The following ARID5B variants were observed in gnomAD, a reference collection of about 807,000 sequenced individuals.
ARID5B encodes AT-rich interaction domain 5B.
Under a neutral mutation model 97.2 loss-of-function variants are expected in ARID5B, and 13 were observed. That is an observed-to-expected ratio of 0.13 (90% CI 0.09 to 0.21). The LOEUF is 0.21. ARID5B is among the 10% of genes least tolerant of loss of function. ARID5B has a pLI of 1.00. For synonymous variants in ARID5B, 556 were observed against 570.3 expected, an observed-to-expected ratio of 0.97 and a Z score of 0.36; for missense variants, 1,210 against 1,465.3, an observed-to-expected ratio of 0.83 and a Z score of 2.84.
intron 3 of ARID5B, among the ~76,000 whole-genome samples, chr10:61,962,627 G>A (rs1838487165): frequency 6.6e-6 from 1 of 152,218 alleles, no homozygotes; most frequent in African/African-American, 2.4e-5. Flanking sequence ...TAATTCAGCT[G>A]AGCATTCTGC....
Position 62,008,854 on chromosome 10 carries a change from G to T in ARID5B, c.733+8533G>T, listed in dbSNP as rs530830465. On this transcript the variant is annotated intron_variant, in intron 4 of 9. Coordinates refer to ENST00000279873, the MANE Select transcript of ARID5B (RefSeq NM_032199.3). The stretch of plus-strand genomic sequence containing the variant: ...AGACATGGGGTTTCCATGCTGACAG[G>T]ACTTTCATTATACACCTCTCCGTGA... Among the ~76,000 whole-genome samples, 12 of 152,254 alleles carry T rather than the reference G, an allele frequency of 7.9e-5. 1 individual carries two copies. In the South Asian group the frequency reaches 2.3e-3, roughly 29 times the overall value.
intron 2 of ARID5B, among the ~76,000 whole-genome samples, chr10:61,930,325 A>T (rs1400250129): frequency 6.6e-6 from 1 of 152,188 alleles, no homozygotes; most frequent in Non-Finnish European, 1.5e-5. Flanking sequence ...TGTGTTCTGG[A>T]CTGTCTTTTC....
At chr10:61,948,089 T>C (rs928270544) in intron 3 of ARID5B, among the ~76,000 whole-genome samples, 1 of 152,162 alleles carries the variant, frequency 6.6e-6, no homozygotes, top group Non-Finnish European at 1.5e-5. Flanking sequence ...AGGGCAGAAG[T>C]AGAAAAAAAG....
In ARID5B at chr10:62,090,652, C is replaced by T. The variant is rs146624729; in HGVS notation, c.1399-210C>T. Among the ~76,000 whole-genome samples, 3 of 152,244 alleles carry T rather than the reference C, an allele frequency of 2.0e-5. No individual in the cohort carries two copies. In the East Asian group the frequency reaches 5.8e-4, roughly 29 times the overall value. ...ATAGGTATCTCATAAGGGACTGAAG[C>T]GAATATGCATATTTCCCCTAATGTT... is the stretch of plus-strand genomic sequence containing the variant. On this transcript the variant is annotated intron_variant, in intron 9 of 9. Coordinates refer to ENST00000279873, the MANE Select transcript of ARID5B (RefSeq NM_032199.3).
chr10:62,013,846 A>G (rs1270113880), intron 4 of ARID5B, among the ~76,000 whole-genome samples: 1 of 149,448 alleles, frequency 6.7e-6, no homozygotes, highest in African/African-American at 2.4e-5. Context: ...TTTTATGGAT[A>G]TATAATAATA....
chr10:61,985,091 G>A (rs1838828852), intron 3 of ARID5B, among the ~76,000 whole-genome samples: 1 of 151,852 alleles, frequency 6.6e-6, no homozygotes, highest in Non-Finnish European at 1.5e-5. Flanking sequence ...TGCCTGGGGA[G>A]TTTCTATGTA....
intron 3 of ARID5B, among the ~76,000 whole-genome samples, chr10:61,967,233 A>G (rs1221441605): frequency 6.6e-6 from 1 of 152,182 alleles, no homozygotes; most frequent in Non-Finnish European, 1.5e-5. Flanking sequence ...GCAAACACCA[A>G]ACAAATATGA....
intron 3 of ARID5B, among the ~76,000 whole-genome samples, chr10:61,970,049 A>G (rs1458076931): frequency 6.6e-6 from 1 of 152,224 alleles, no homozygotes; most frequent in Non-Finnish European, 1.5e-5. Flanking sequence ...TTATGTTGAT[A>G]TGATCAGGTC....
intron 6 of ARID5B, 57 bp downstream of exon 6, chr10:62,057,375 G>A (rs1447567489): frequency 1.3e-6 from 2 of 1,513,844 alleles, no homozygotes; most frequent in Non-Finnish European, 1.8e-6. Flanking sequence ...TCTTTGAATT[G>A]GAAAAAATAA....
intron 2 of ARID5B, among the ~76,000 whole-genome samples, chr10:61,921,990 C>A (rs1844023899): frequency 1.3e-5 from 2 of 152,268 alleles, no homozygotes; most frequent in South Asian, 4.1e-4. Flanking sequence ...CACAGGCGTG[C>A]ACCACTGTGC....
chr10:61,912,520 T>G (rs1312014841), intron 2 of ARID5B, among the ~76,000 whole-genome samples: 1 of 152,144 alleles, frequency 6.6e-6, no homozygotes, highest in African/African-American at 2.4e-5. Flanking sequence ...AATCATCACA[T>G]TGTATACCTT....
intron 7 of ARID5B, 38 bp downstream of exon 7, chr10:62,059,333 A>G (rs771016079): frequency 3.2e-6 from 5 of 1,586,112 alleles, no homozygotes; most frequent in East Asian, 4.5e-5. Context: ...TAATTTTGCA[A>G]TCTAACTTTT....
intron 5 of ARID5B, among the ~76,000 whole-genome samples, chr10:62,053,709 G>A (rs1195444752): frequency 6.6e-6 from 1 of 152,116 alleles, no homozygotes; most frequent in Non-Finnish European, 1.5e-5. Flanking sequence ...TTTTCTGAAG[G>A]GCAGAAGTGT....
At chr10:61,915,982 C>T (rs927282966) in intron 2 of ARID5B, among the ~76,000 whole-genome samples, 1 of 152,156 alleles carries the variant, frequency 6.6e-6, no homozygotes, top group African/African-American at 2.4e-5. Flanking sequence ...TCTTGAACTC[C>T]TGACCTCAAG....
rs796372300 is a variant in ARID5B, at chr10:62,027,079, C to T, written c.734-23809C>T. ...AGAAGGCTCTTGACAGGACGGGCAG[C>T]CAGGGTTAGTTTCACCACCTCCATG... On this transcript the variant is annotated intron_variant, in intron 4 of 9. Coordinates refer to ENST00000279873, the MANE Select transcript of ARID5B (RefSeq NM_032199.3). Among the ~76,000 whole-genome samples, 30 of 152,092 alleles carry T rather than the reference C, an allele frequency of 2.0e-4. 1 individual carries two copies. The highest frequency in any genetic ancestry group is 6.8e-4 in the African/African-American group (28 of 41,478).
Position 62,000,220 on chromosome 10 carries a change from G to C in ARID5B, c.632G>C (p.Gly211Ala). The C allele has an allele frequency of 6.2e-7, 1 of 1,614,006 alleles. No homozygotes were observed. The highest frequency in any genetic ancestry group is 8.5e-7 in the Non-Finnish European group (1 of 1,179,928). ...ACGGACCAGTTTGCATTGGCCCTGG[G>C]GGGCATTGCAGTGGTCAGCAGGAAC... ...ILTDQFALAL[G>A]GIAVVSRNPQ... Residue 211 changes from glycine (G) to alanine (A), a missense_variant, in exon 4 of 10, where the codon GGG (glycine) becomes GCG (alanine). Around this residue, in one of 8 missense-constraint regions of ARID5B, gnomAD observed 132 missense variants for 156.7 expected, o/e 0.84. Transcript: ENST00000279873. The surrounding 1 kb of genome is among the most constrained non-coding windows in gnomAD (Gnocchi z 4.4).
At chr10:62,083,299 AT>A (rs760817480) in intron 8 of ARID5B, among the ~76,000 whole-genome samples, 219 of 127,930 alleles carry the variant, frequency 1.7e-3, no homozygotes, top group Non-Finnish European at 2.2e-3. Context: ...AAAAAAAAAA[AT>A]GAAAGAAAAA....
chr10:62,007,668 C>G (rs1206232289), intron 4 of ARID5B, among the ~76,000 whole-genome samples: 1 of 152,206 alleles, frequency 6.6e-6, no homozygotes, highest in Non-Finnish European at 1.5e-5. Flanking sequence ...TAACCACATA[C>G]TGGTTCTGTA....
At chr10:62,011,209 T>C (rs1234839745) in intron 4 of ARID5B, among the ~76,000 whole-genome samples, 1 of 152,172 alleles carries the variant, frequency 6.6e-6, no homozygotes, top group Non-Finnish European at 1.5e-5. Flanking sequence ...GCATGAATAT[T>C]ATATCTTTGA....
Sources: allele counts gnomAD v4.1 joint callset (sites outside exome capture counted in the v4.1 genomes callset), GRCh38; gene constraint gnomAD v4.1.1; regional missense constraint gnomAD v4.1.1; non-coding constraint Gnocchi (gnomAD v3.1); transcripts MANE v1.5; gene names NCBI Gene and HGNC (gene_info 2026-07-23, HGNC 2026-07-21).